CPE: variants seen among roughly 807,000 people sequenced by gnomAD.
CPE encodes carboxypeptidase E, also known as carbocypeptidase E.
In CPE, 17 loss-of-function variants were observed where a neutral mutation model predicts 53.5. The ratio of observed to expected loss-of-function variants is 0.32; its 90% CI spans 0.22 to 0.48. CPE has a LOEUF of 0.48. CPE is among the 20% of genes least tolerant of loss of function. CPE has a pLI of 0.99. For missense variants in CPE, 524 were observed against 614.7 expected (o/e 0.85, Z 1.56); for synonymous variants, 226 against 228.8 (o/e 0.99, Z 0.11).
chr4:165,417,944 C>T (rs1436377962), intron 1 of CPE, among the ~76,000 whole-genome samples: 2 of 152,028 alleles, frequency 1.3e-5, no homozygotes, highest in East Asian at 3.9e-4. Flanking sequence ...TCTGTGTGGG[C>T]ACATTTCACT....
At chr4:165,386,221 T>C (rs1037718985) in intron 1 of CPE, 2 of 521,134 alleles carry the variant, frequency 3.8e-6, no homozygotes, top group Non-Finnish European at 3.9e-6. Context: ...CTCATTATGG[T>C]ATTTCCCACT....
intron 2 of CPE, among the ~76,000 whole-genome samples, chr4:165,467,060 T>C (rs534423732): frequency 6.6e-6 from 1 of 152,336 alleles, no homozygotes; most frequent in East Asian, 1.9e-4. Flanking sequence ...CAGCAGCTTA[T>C]ATCTATAATC....
intron 1 of CPE, among the ~76,000 whole-genome samples, chr4:165,393,503 C>T (rs779385829): frequency 1.3e-5 from 2 of 152,134 alleles, no homozygotes; most frequent in Non-Finnish European, 2.9e-5. Flanking sequence ...AAGGAGCACT[C>T]TCATTTTATA....
chr4:165,409,437 C>T lies in CPE; in HGVS notation c.307+29909C>T, dbSNP rs1731001772. 2.0e-5 allele frequency among the ~76,000 whole-genome samples: 3 copies of T among 152,182 alleles called. No individual in the cohort carries two copies. The South Asian group carries it at 6.2e-4, about 31-fold the overall frequency. ...CTAGCTGGTCTCGAACTCCTGGCCTCAAGTGATCCGCCCGCCTCAGACTCC... is the reference window on the plus strand; with the variant it reads ...CTAGCTGGTCTCGAACTCCTGGCCTTAAGTGATCCGCCCGCCTCAGACTCC... On this transcript the variant is annotated intron_variant, in intron 1 of 8. Coordinates refer to ENST00000402744, the MANE Select transcript of CPE (RefSeq NM_001873.4).
rs1040097927 is a variant in CPE at position 165,411,692 on chromosome 4, G to C, written c.307+32164G>C. 2.6e-5 allele frequency among the ~76,000 whole-genome samples: 4 copies of C among 152,252 alleles called. 1 individual carries two copies. The South Asian group carries it at 8.3e-4, about 32-fold the overall frequency. ...GAGACCTCAATACCTGTGGAATGTA[G>C]GGCACATGGCAAACAGATCTGGTTT... On this transcript the variant is annotated intron_variant, in intron 1 of 8. Coordinates refer to ENST00000402744, the MANE Select transcript of CPE (RefSeq NM_001873.4).
chr4:165,459,916 A>G (rs1731971035), intron 1 of CPE, among the ~76,000 whole-genome samples: 1 of 3,556 alleles, frequency 2.8e-4, no homozygotes, highest in Non-Finnish European at 6.6e-4. Context: ...CTCTGTCTCA[A>G]AAAAAAAAAA....
At chr4:165,405,880 T>G in intron 1 of CPE, 1 of 737,108 alleles carries the variant, frequency 1.4e-6, no homozygotes. Context: ...TTTTCTGTCT[T>G]TTGTTGCTAT....
At position 165,379,300 on chromosome 4, in the gene CPE, G is replaced by T; in HGVS notation, c.79G>T (p.Ala27Ser). 1 of 1,538,318 alleles carries T rather than the reference G, an allele frequency of 6.5e-7. No homozygotes were observed. The highest frequency in any genetic ancestry group is 1.2e-5 in the South Asian group (1 of 84,182). ...AACGWLLGAE[A>S]QEPGAPAAGM... ...CTGCGGGTGGCTCCTGGGCGCCGAA[G>T]CCCAGGAGCCCGGGGCGCCCGCGGC... Residue 27 changes from alanine (A) to serine (S), a missense_variant, in exon 1 of 9, where the codon GCC (alanine) becomes TCC (serine). Coordinates refer to ENST00000402744, the MANE Select transcript of CPE (RefSeq NM_001873.4). This position sits in a 1 kb window ranked among gnomAD's most constrained non-coding sequence, Gnocchi z 6.0.
chr4:165,486,392 T>G (rs1488881388), intron 5 of CPE, among the ~76,000 whole-genome samples: 1 of 152,210 alleles, frequency 6.6e-6, no homozygotes, highest in African/African-American at 2.4e-5. Flanking sequence ...TTGTTATCAT[T>G]ATATCTTGTA....
At chr4:165,410,075 C>G (rs1051812626) in intron 1 of CPE, among the ~76,000 whole-genome samples, 1 of 151,804 alleles carries the variant, frequency 6.6e-6, no homozygotes. Flanking sequence ...TGGTGAAACC[C>G]CTTTCTTTAC....
intron 3 of CPE, among the ~76,000 whole-genome samples, chr4:165,469,100 T>C (rs1235714901): frequency 1.3e-5 from 2 of 152,140 alleles, no homozygotes; most frequent in East Asian, 3.9e-4. Context: ...ACCATTTCAG[T>C]GTAATTTTTT....
At chr4:165,394,726 T>A (rs554156856) in intron 1 of CPE, among the ~76,000 whole-genome samples, 2 of 152,256 alleles carry the variant, frequency 1.3e-5, no homozygotes, top group East Asian at 1.9e-4. Context: ...ATTTTTTTTT[T>A]ATGTGAAAAA....
At chr4:165,399,855 A>G (rs1215787679) in intron 1 of CPE, among the ~76,000 whole-genome samples, 1 of 152,086 alleles carries the variant, frequency 6.6e-6, no homozygotes, top group Non-Finnish European at 1.5e-5. Flanking sequence ...AATCTTGACC[A>G]GTGTAGAGGA....
chr4:165,388,957 G>A (rs758562870), intron 1 of CPE, among the ~76,000 whole-genome samples: 30 of 152,222 alleles, frequency 2.0e-4, no homozygotes, highest in Admixed American at 1.0e-3. Flanking sequence ...AACATAACCA[G>A]CATCAGGGGA....
chr4:165,397,677 A>C (rs1354922138), intron 1 of CPE, among the ~76,000 whole-genome samples: 1 of 152,162 alleles, frequency 6.6e-6, no homozygotes, highest in Non-Finnish European at 1.5e-5. Flanking sequence ...CATTTTCATC[A>C]GATAAAACAG....
chr4:165,382,161 G>T (rs1730514198), intron 1 of CPE, among the ~76,000 whole-genome samples: 1 of 152,144 alleles, frequency 6.6e-6, no homozygotes, highest in Admixed American at 6.6e-5. Context: ...AAGACAGTAG[G>T]TCAGCAGGTC....
intron 1 of CPE, among the ~76,000 whole-genome samples, chr4:165,437,602 C>A (rs1731529413): frequency 6.6e-6 from 1 of 152,090 alleles, no homozygotes; most frequent in South Asian, 2.1e-4. Flanking sequence ...TATCTAATGA[C>A]CTCAATTAGA....
At chr4:165,481,038 A>G (rs1243470947) in intron 3 of CPE, among the ~76,000 whole-genome samples, 9 of 144,702 alleles carry the variant, frequency 6.2e-5, no homozygotes, top group Non-Finnish European at 1.1e-4. Flanking sequence ...TTTTTTAGCA[A>G]AAATAAGATC....
chr4:165,451,753 G>A (rs964133721), intron 1 of CPE, among the ~76,000 whole-genome samples: 1 of 151,912 alleles, frequency 6.6e-6, no homozygotes, highest in Admixed American at 6.6e-5. Flanking sequence ...GCCTCCCAAA[G>A]TGCTGGGATT....
Sources: gnomAD v4.1 joint callset for allele counts (sites outside exome capture counted in the v4.1 genomes callset) on GRCh38, gnomAD v4.1.1 for gene constraint, Gnocchi (gnomAD v3.1) non-coding constraint, MANE v1.5 for transcripts, NCBI Gene and HGNC (gene_info 2026-07-23, HGNC 2026-07-21) for gene names.